The following GPR89A variants were observed in gnomAD, a reference collection of about 807,000 sequenced individuals.
The protein encoded by GPR89A is golgi pH regulator A.
GPR89A carries 16 observed loss-of-function variants against 52.0 expected under a neutral mutation model. That is an observed-to-expected ratio of 0.31 (90% CI 0.21 to 0.47). The LOEUF (loss-of-function observed/expected upper bound fraction) is 0.47, where lower values mean the gene tolerates loss of function less well. Among genes scored for constraint, GPR89A ranks in the 20% least tolerant of loss-of-function variants. GPR89A has a pLI of 1.00. For synonymous variants in GPR89A, 55 were observed against 150.9 expected (o/e 0.36, Z 4.66); for missense variants, 135 against 449.4 (o/e 0.30, Z 6.33).
At chr1:145,647,010 G>A (rs1246683375) in intron 9 of GPR89A, 165 bp from the exon 10 acceptor site, 3 of 937,686 alleles carry the variant, frequency 3.2e-6, no homozygotes, top group Non-Finnish European at 4.7e-6. Context: ...CTAAAAGCAA[G>A]CATTCAGTAA....
intron 5 of GPR89A, among the ~76,000 whole-genome samples, chr1:145,624,464 C>T (rs1165033852): frequency 4.7e-5 from 7 of 147,370 alleles, no homozygotes; most frequent in Non-Finnish European, 8.9e-5. Flanking sequence ...TTAGAGAGCC[C>T]ATCTGTAATA....
chr1:145,620,144 A>G lies in GPR89A; in HGVS notation c.206+1721A>G, dbSNP rs1553687885. On this transcript the variant is annotated intron_variant, in intron 3 of 13. Transcript: ENST00000313835. ...ATTAAATTTTATTATCACAACCTGCATCTTTCACTGCTATTTAAGCAGGGG... is the reference window on the plus strand; with the variant it reads ...ATTAAATTTTATTATCACAACCTGCGTCTTTCACTGCTATTTAAGCAGGGG... Among the ~76,000 whole-genome samples, 3 of 152,278 alleles carry G rather than the reference A, an allele frequency of 2.0e-5. No individual in the cohort carries two copies. In the South Asian group the frequency reaches 6.2e-4, roughly 32 times the overall value.
At position 145,624,586 on chromosome 1, in the gene GPR89A, A is replaced by T. The variant is rs587734833; in HGVS notation, c.415+872A>T. ...CTAGGCTTCTTATTGCAGAAAACAGAATCTACTGTAACTAATTTAAAGCAG... is the reference window on the plus strand; with the variant it reads ...CTAGGCTTCTTATTGCAGAAAACAGTATCTACTGTAACTAATTTAAAGCAG... On this transcript the variant is annotated intron_variant, in intron 5 of 13. Coordinates refer to ENST00000313835, the MANE Select transcript of GPR89A (RefSeq NM_001097612.2). Among the ~76,000 whole-genome samples, 28 of 151,374 alleles carry T rather than the reference A, an allele frequency of 1.8e-4. No homozygotes were observed. The South Asian group carries it at 5.6e-3, about 30-fold the overall frequency.
chr1:145,608,024 C>G lies in GPR89A; in HGVS notation c.-110C>G, dbSNP rs868976966. The G allele has an allele frequency of 4.0e-5, 53 of 1,324,152 alleles. 1 individual carries two copies. The Admixed American group carries it at 4.4e-4, about 11-fold the overall frequency. 82.0% of individuals were successfully genotyped at this position (1,324,152 alleles called of 1,614,324 possible). On this transcript the variant is annotated 5_prime_UTR_variant, in exon 1 of 14. Transcript: ENST00000313835. ...GCGTCGGGCTGGAGAGCCGCAGTCC[C>G]GGCTGCAGCACCTGGGAGAAGGCAG... is the stretch of plus-strand genomic sequence containing the variant.
intron 2 of GPR89A, among the ~76,000 whole-genome samples, chr1:145,617,721 C>T (rs1648822501): frequency 6.6e-6 from 1 of 152,052 alleles, no homozygotes. Context: ...CAACACAAGG[C>T]TGGTGTTGTT....
At chr1:145,614,887 A>AG (rs1452225075) in intron 1 of GPR89A, among the ~76,000 whole-genome samples, 2 of 152,028 alleles carry the variant, frequency 1.3e-5, no homozygotes, top group Non-Finnish European at 2.9e-5. Context: ...AAGAAGTTCC[A>AG]GGGGGCTGAA....
intron 1 of GPR89A, among the ~76,000 whole-genome samples, chr1:145,615,822 G>C (rs1220265338): frequency 6.6e-6 from 1 of 152,020 alleles, no homozygotes; most frequent in Non-Finnish European, 1.5e-5. Context: ...GCTTTGCCAT[G>C]TTGGCCAGAC....
chr1:145,657,704 G>C (rs1304548499), intron 10 of GPR89A, among the ~76,000 whole-genome samples: 1 of 149,610 alleles, frequency 6.7e-6, no homozygotes, highest in Non-Finnish European at 1.5e-5. Flanking sequence ...ATTTCTTCTT[G>C]AGTGAGCTCT....
intron 12 of GPR89A, 32 bp from the exon 13 acceptor site, chr1:145,669,593 C>T: frequency 1.2e-6 from 2 of 1,609,952 alleles, no homozygotes; most frequent in East Asian, 4.5e-5. Context: ...TCTAACACTA[C>T]TGCATAAATT....
chr1:145,648,787 G>T (rs1300508218), intron 10 of GPR89A, among the ~76,000 whole-genome samples: 2 of 111,658 alleles, frequency 1.8e-5, no homozygotes, highest in Non-Finnish European at 3.5e-5. Context: ...CCCGGCCTAG[G>T]GAAGCATGTT....
chr1:145,667,981 A>T (rs587687158), intron 12 of GPR89A, among the ~76,000 whole-genome samples: 35 of 152,302 alleles, frequency 2.3e-4, no homozygotes, highest in African/African-American at 7.9e-4. Flanking sequence ...GTAGCCTTGT[A>T]GTATAGCTTG....
chr1:145,634,661 C>T lies in GPR89A; in HGVS notation c.617+2917C>T, dbSNP rs1399827054. 2.0e-5 allele frequency among the ~76,000 whole-genome samples: 3 copies of T among 150,364 alleles called. 1 individual carries two copies. The highest frequency in any genetic ancestry group is 7.5e-5 in the African/African-American group (3 of 40,086). ...TAATGGTGTGACCTTGAACTAGTTA[C>T]TTTATGTCTTTGTGCCTCATTTGTA... On this transcript the variant is annotated intron_variant, in intron 7 of 13. Transcript: ENST00000313835.
intron 3 of GPR89A, among the ~76,000 whole-genome samples, chr1:145,620,275 A>G (rs1553687899): frequency 1.3e-5 from 2 of 152,322 alleles, no homozygotes; most frequent in East Asian, 1.9e-4. Context: ...TAGAGAGAAA[A>G]CAGTCATAGG....
At chr1:145,659,337 A>G (rs1405981428) in intron 10 of GPR89A, among the ~76,000 whole-genome samples, 14 of 151,494 alleles carry the variant, frequency 9.2e-5, no homozygotes, top group African/African-American at 3.2e-4. Context: ...GGCGCATGCA[A>G]CCACTCCCGG....
At chr1:145,663,153 A>G (rs587647293) in intron 10 of GPR89A, among the ~76,000 whole-genome samples, 176 bp from the exon 11 acceptor site, 1 of 152,196 alleles carries the variant, frequency 6.6e-6, no homozygotes, top group African/African-American at 2.4e-5. Flanking sequence ...GTTTGCCTAT[A>G]TATGAGTATC....
At chr1:145,614,980 A>G (rs1396519088) in intron 1 of GPR89A, among the ~76,000 whole-genome samples, 9 of 152,180 alleles carry the variant, frequency 5.9e-5, no homozygotes, top group Non-Finnish European at 1.0e-4. Context: ...CTTGCTCAGT[A>G]AAGTAGTCCC....
At chr1:145,663,014 AT>A in intron 10 of GPR89A, among the ~76,000 whole-genome samples, 1 of 152,280 alleles carries the variant, frequency 6.6e-6, no homozygotes, top group East Asian at 1.9e-4. Flanking sequence ...GGATTTCTTG[AT>A]TCTCTTAATC....
In GPR89A at chr1:145,616,281, T is replaced by A. The variant is rs781924043; in HGVS notation, c.90T>A (p.Phe30Leu). 2.2e-5 allele frequency: 35 copies of A among 1,608,612 alleles called. No individual in the cohort carries two copies. Among genetic ancestry groups the A allele is most frequent in the Non-Finnish European group, 2.8e-5 (33 of 1,177,008 alleles). Residue 30 changes from phenylalanine (F) to leucine (L), a missense_variant, in exon 2 of 14, where the codon TTT (phenylalanine) becomes TTA (leucine). Physicochemically the swap from Phe to Leu is conservative, Grantham distance 22. This residue lies in a region of GPR89A where 38 missense variants were observed against 40.2 expected (regional missense o/e 0.95). Transcript: ENST00000313835. Reference protein sequence around the residue: ...FGWLFFMRQLFKDYEIRQYVV... With the variant: ...FGWLFFMRQLLKDYEIRQYVV... ...GGCTTTTCTTCATGCGCCAATTGTT[T>A]AAAGACTATGAGGTGAGAAGAAATC...
chr1:145,620,699 G>A (rs1419632030), intron 3 of GPR89A, among the ~76,000 whole-genome samples: 1 of 150,380 alleles, frequency 6.6e-6, no homozygotes, highest in Non-Finnish European at 1.5e-5. Flanking sequence ...TCCATTGACT[G>A]GACTCAGAAT....
Sources: allele counts gnomAD v4.1 joint callset (sites outside exome capture counted in the v4.1 genomes callset), GRCh38; gene constraint gnomAD v4.1.1; regional missense constraint gnomAD v4.1.1; transcripts MANE v1.5; gene names NCBI Gene and HGNC (gene_info 2026-07-23, HGNC 2026-07-21).